WDPCP: variants seen among roughly 807,000 people sequenced by gnomAD.
WDPCP encodes the protein WD repeat containing planar cell polarity effector, also known as WD repeat-containing and planar cell polarity effector protein fritz homolog.
A neutral mutation model predicts 93.1 loss-of-function variants in WDPCP; 71 were observed. The ratio of observed to expected loss-of-function variants is 0.76; its 90% CI spans 0.63 to 0.93. The LOEUF (loss-of-function observed/expected upper bound fraction) is 0.93. Among genes scored for constraint, WDPCP ranks in the 40% least tolerant of loss-of-function variants. The pLI, the probability that WDPCP is intolerant of heterozygous loss-of-function variation, is 0.00. For synonymous variants in WDPCP, 315 were observed against 315.0 expected (o/e 1.00, Z 0.00); for missense variants, 844 against 887.4 (o/e 0.95, Z 0.62).
intron 3 of WDPCP, among the ~76,000 whole-genome samples, chr2:63,629,534 A>G (rs1575734039): frequency 6.6e-6 from 1 of 152,226 alleles, no homozygotes; most frequent in South Asian, 2.1e-4. Context: ...GAGGAGAGCT[A>G]GTGGACAGTA....
At chr2:63,592,615 G>A (rs540289601), upstream of WDPCP, among the ~76,000 whole-genome samples, 3 of 152,214 alleles carry the variant, frequency 2.0e-5, no homozygotes, top group African/African-American at 7.2e-5. Flanking sequence ...CGCGCAATGC[G>A]CTGGGATTGT....
At chr2:63,719,055 T>G (rs1266768617) in intron 2 of WDPCP, among the ~76,000 whole-genome samples, 1 of 152,142 alleles carries the variant, frequency 6.6e-6, no homozygotes, top group Non-Finnish European at 1.5e-5. Context: ...AAGGAAACAG[T>G]TGTCAAGCTT....
intron 9 of WDPCP, among the ~76,000 whole-genome samples, chr2:63,409,555 T>C (rs1425114138): frequency 1.3e-5 from 2 of 152,100 alleles, no homozygotes; most frequent in Non-Finnish European, 2.9e-5. Flanking sequence ...AAGAAATCCC[T>C]GATTTACCTG....
At chr2:63,830,926 G>A (rs967248278), upstream of WDPCP, among the ~76,000 whole-genome samples, 4 of 151,952 alleles carry the variant, frequency 2.6e-5, no homozygotes, top group African/African-American at 9.7e-5. Flanking sequence ...TTTTTCTGAG[G>A]TTCCGACTCA....
At chr2:63,794,690 C>T (rs534960584) in intron 2 of WDPCP, among the ~76,000 whole-genome samples, 15 of 152,290 alleles carry the variant, frequency 9.8e-5, no homozygotes, top group Admixed American at 2.0e-4. Flanking sequence ...GTTGTGTGCA[C>T]CACTACATTT....
intron 1 of WDPCP, among the ~76,000 whole-genome samples, chr2:63,515,912 TG>T (rs1409471512): frequency 1.3e-5 from 2 of 151,328 alleles, no homozygotes; most frequent in Non-Finnish European, 2.9e-5. Context: ...CCCAGCTACT[TG>T]GGAGGCTGAG....
At chr2:63,780,187 A>G (rs1225879715) in intron 2 of WDPCP, among the ~76,000 whole-genome samples, 2 of 152,066 alleles carry the variant, frequency 1.3e-5, no homozygotes, top group Non-Finnish European at 2.9e-5. Context: ...ACAGCTGTTT[A>G]TTTCCATCTT....
upstream of WDPCP, among the ~76,000 whole-genome samples, chr2:63,829,882 T>C (rs947407101): frequency 6.6e-6 from 1 of 152,102 alleles, no homozygotes; most frequent in Non-Finnish European, 1.5e-5. Context: ...TGAATGGACG[T>C]GTGGGAAGAG....
At chr2:63,758,427 T>A (rs1670000944) in intron 2 of WDPCP, among the ~76,000 whole-genome samples, 1 of 151,944 alleles carries the variant, frequency 6.6e-6, no homozygotes, top group African/African-American at 2.4e-5. Context: ...GGTTCTGGAA[T>A]CTTTTTGTTT....
chr2:63,362,005 T>G (rs1690499640), intron 12 of WDPCP, among the ~76,000 whole-genome samples: 1 of 152,170 alleles, frequency 6.6e-6, no homozygotes, highest in South Asian at 2.1e-4. Context: ...CTGTGTACAA[T>G]GTGTAAGGAT....
chr2:63,140,261 T>A (rs1670959566), intron 17 of WDPCP, among the ~76,000 whole-genome samples: 5 of 152,190 alleles, frequency 3.3e-5, no homozygotes. Flanking sequence ...CCTCTAGATT[T>A]GTTCTTTTTG....
chr2:63,839,455 G>A, the WDPCP span, among the ~76,000 whole-genome samples: 3 of 152,222 alleles, frequency 2.0e-5, no homozygotes, highest in Non-Finnish European at 4.4e-5. Flanking sequence ...CTACTCGAGA[G>A]GCTAAGGCAG....
chr2:63,666,993 A>G (rs1297377433), intron 2 of WDPCP, among the ~76,000 whole-genome samples: 1 of 130,074 alleles, frequency 7.7e-6, no homozygotes, highest in Non-Finnish European at 1.6e-5. Flanking sequence ...ATTTGATGAG[A>G]TACTTTGCTA....
In WDPCP at chr2:63,491,209, T is replaced by A. The variant is rs1048559057; in HGVS notation, c.160+1647A>T. 3.3e-5 allele frequency among the ~76,000 whole-genome samples: 5 copies of A among 152,300 alleles called. No individual in the cohort carries two copies. In the East Asian group the frequency reaches 5.8e-4, roughly 18 times the overall value. ...ATTTTTCCTTAGGTCTCTGTTGTAC[T>A]TTTTTCCCCCCTTCCTACATTATCT... is the stretch of plus-strand genomic sequence containing the variant. On this transcript the variant is annotated intron_variant, in intron 2 of 17. Transcript: ENST00000272321.
the WDPCP span, among the ~76,000 whole-genome samples, chr2:63,837,141 A>G: frequency 6.6e-6 from 1 of 152,268 alleles, no homozygotes; most frequent in Non-Finnish European, 1.5e-5. Flanking sequence ...TGGTTCATTA[A>G]CAGGGTGTTG....
chr2:63,636,133 T>C (rs1017579703), intron 3 of WDPCP, among the ~76,000 whole-genome samples: 4 of 152,168 alleles, frequency 2.6e-5, no homozygotes, highest in Admixed American at 2.6e-4. Context: ...AATTAATGTA[T>C]TTGGGAATAA....
At chr2:63,243,152 GAC>G (rs1679993745) in intron 14 of WDPCP, among the ~76,000 whole-genome samples, 2 of 152,126 alleles carry the variant, frequency 1.3e-5, no homozygotes, top group Admixed American at 6.6e-5. Flanking sequence ...TGCTAGAAAT[GAC>G]ACAATATAAA....
At chr2:63,325,695 T>C (rs963319251) in intron 12 of WDPCP, among the ~76,000 whole-genome samples, 3 of 152,200 alleles carry the variant, frequency 2.0e-5, no homozygotes, top group African/African-American at 2.4e-5. Context: ...GAAAGTCCCA[T>C]ACCCTTATTA....
At chr2:63,253,541 A>G (rs1680907711) in intron 14 of WDPCP, among the ~76,000 whole-genome samples, 2 of 152,176 alleles carry the variant, frequency 1.3e-5, no homozygotes, top group Non-Finnish European at 2.9e-5. Flanking sequence ...CTTGAAATCA[A>G]CAAGATAAAA....
Sources: gnomAD v4.1 joint callset for allele counts (sites outside exome capture counted in the v4.1 genomes callset) on GRCh38, gnomAD v4.1.1 for gene constraint, MANE v1.5 for transcripts, NCBI Gene and HGNC (gene_info 2026-07-23, HGNC 2026-07-21) for gene names.